The following DMXL2 variants were observed in gnomAD, a reference collection of about 807,000 sequenced individuals.
DMXL2 encodes Dmx like 2, also known as dmX-like protein 2.
A neutral mutation model predicts 331.1 loss-of-function variants in DMXL2; 103 were observed. The observed-to-expected ratio is 0.31, with a 90% CI of 0.27 to 0.37. DMXL2 has a LOEUF of 0.37. Ranked by LOEUF, DMXL2 falls within the 10% of genes least tolerant of loss-of-function variation. DMXL2 has a pLI of 1.00. For missense variants in DMXL2, 3,171 were observed against 3,642.9 expected (o/e 0.87, Z 3.33); for synonymous variants, 1,281 against 1,252.1 (o/e 1.02, Z -0.49).
chr15:51,467,310 G>C (rs953038877), intron 29 of DMXL2, among the ~76,000 whole-genome samples: 4 of 152,082 alleles, frequency 2.6e-5, no homozygotes, highest in African/African-American at 9.7e-5. Flanking sequence ...TAAAATTTCT[G>C]TGCATGATAA....
At chr15:51,579,363 T>C (rs2051255323) in intron 1 of DMXL2, among the ~76,000 whole-genome samples, 1 of 152,102 alleles carries the variant, frequency 6.6e-6, no homozygotes, top group African/African-American at 2.4e-5. Context: ...GCATAAATAA[T>C]CCAAGGGTGG....
intron 33 of DMXL2, 127 bp from the exon 34 acceptor site, chr15:51,459,787 T>A: frequency 8.3e-7 from 1 of 1,200,912 alleles, no homozygotes; most frequent in Non-Finnish European, 1.1e-6. Flanking sequence ...ATTTGCAAAA[T>A]CAAGAAAAAA....
intron 23 of DMXL2, among the ~76,000 whole-genome samples, chr15:51,483,619 T>G (rs1191131812): frequency 6.6e-6 from 1 of 151,704 alleles, no homozygotes; most frequent in Non-Finnish European, 1.5e-5. Context: ...AGCAGCTACA[T>G]GCCCACACTC....
chr15:51,533,576 G>A (rs1353569317), intron 13 of DMXL2, among the ~76,000 whole-genome samples: 1 of 152,206 alleles, frequency 6.6e-6, no homozygotes, highest in Non-Finnish European at 1.5e-5. Context: ...GGAGCTTAAT[G>A]TCTACCTAGT....
At chr15:51,581,039 A>G (rs2051376017) in intron 1 of DMXL2, among the ~76,000 whole-genome samples, 1 of 152,148 alleles carries the variant, frequency 6.6e-6, no homozygotes, top group East Asian at 1.9e-4. Flanking sequence ...TATTACCACA[A>G]TAAAGATATT....
rs770020793 is a variant in DMXL2 at position 51,479,928 on chromosome 15, G to C, written c.6756+20C>G. ...CTTCTCAGGGTGTATAATATCAAATGATCATAAACTTTACATTACCTTCAC... is the reference window on the plus strand; with the variant it reads ...CTTCTCAGGGTGTATAATATCAAATCATCATAAACTTTACATTACCTTCAC... On this transcript the variant is annotated intron_variant, in intron 25 of 43. Coordinates refer to ENST00000560891, the MANE Select transcript of DMXL2 (RefSeq NM_001378457.1). The C allele has an allele frequency of 5.8e-5, 84 of 1,453,232 alleles. No homozygotes were observed. Among genetic ancestry groups the C allele is most frequent in the South Asian group, 3.4e-4 (21 of 62,634 alleles). The allele number at this position is 1,453,232 out of a possible 1,614,324, so 90.0% of individuals were successfully genotyped here.
At chr15:51,516,278 T>C (rs1177442473) in intron 14 of DMXL2, among the ~76,000 whole-genome samples, 1 of 152,190 alleles carries the variant, frequency 6.6e-6, no homozygotes, top group African/African-American at 2.4e-5. Flanking sequence ...GGGTTTTACA[T>C]CTCCCTCTAG....
chr15:51,493,638 T>C (rs551555279), intron 19 of DMXL2, among the ~76,000 whole-genome samples: 112 of 152,284 alleles, frequency 7.4e-4, no homozygotes, highest in Non-Finnish European at 1.2e-3. Context: ...CACCAGTCAC[T>C]TCTCATCGCC....
intron 1 of DMXL2, among the ~76,000 whole-genome samples, chr15:51,621,134 C>T (rs981725034): frequency 2.0e-5 from 3 of 152,188 alleles, no homozygotes; most frequent in African/African-American, 7.2e-5. Flanking sequence ...AGACAAAGCT[C>T]AGCTCTATAT....
rs2049768840 is a variant in DMXL2 at position 51,558,813 on chromosome 15, CAATT to C, written c.567+4564_567+4567del. On this transcript the variant is annotated intron_variant, in intron 6 of 43. Transcript: ENST00000560891. ...TAATTCCACATACAATAGCTAAACA[CAATT>C]AAAACTGCCCATATTTTAAGTGCAA... Among the ~76,000 whole-genome samples, 3 of 152,274 alleles carry C rather than the reference CAATT, an allele frequency of 2.0e-5. No homozygotes were observed. The South Asian group carries it at 6.2e-4, about 32-fold the overall frequency.
At chr15:51,472,538 C>A (rs1227035739) in intron 28 of DMXL2, among the ~76,000 whole-genome samples, 1 of 152,134 alleles carries the variant, frequency 6.6e-6, no homozygotes, top group Non-Finnish European at 1.5e-5. Context: ...TTTCTCCCTC[C>A]CCCTAGCCCA....
intron 1 of DMXL2, among the ~76,000 whole-genome samples, chr15:51,586,083 C>T (rs558108199): frequency 1.3e-5 from 2 of 151,994 alleles, no homozygotes; most frequent in Non-Finnish European, 2.9e-5. Context: ...TTCTAACTGC[C>T]CAAAGTCCAC....
rs182088052 is a variant in DMXL2 at position 51,501,907 on chromosome 15, G to A, written c.2992+899C>T. 1.7e-4 allele frequency among the ~76,000 whole-genome samples: 23 copies of A among 133,344 alleles called. No individual in the cohort carries two copies. The East Asian group carries it at 1.8e-3, about 11-fold the overall frequency. 87.5% of individuals were successfully genotyped at this position (133,344 alleles called of 152,430 possible). ...TGCACTCCAGCCTGGGTGACAGAGCGAAACTCCATCTCAAAAAAAAAAAAA... is the reference window on the plus strand; with the variant it reads ...TGCACTCCAGCCTGGGTGACAGAGCAAAACTCCATCTCAAAAAAAAAAAAA... On this transcript the variant is annotated intron_variant, in intron 17 of 43. Transcript: ENST00000560891.
At chr15:51,538,136 A>C in intron 10 of DMXL2, 77 bp downstream of exon 10, 53 of 1,430,368 alleles carry the variant, frequency 3.7e-5, no homozygotes, top group African/African-American at 5.7e-5. Context: ...GCGGGAAGGA[A>C]GAATTCAAAA....
Position 51,520,828 on chromosome 15 carries a change from G to A in DMXL2, c.2437-3661C>T, listed in dbSNP as rs1218676119. Among the ~76,000 whole-genome samples, 4 of 152,152 alleles carry A rather than the reference G, an allele frequency of 2.6e-5. No homozygotes were observed. The East Asian group carries it at 7.7e-4, about 29-fold the overall frequency. Reference sequence around the variant, plus strand: ...GCTGAGATCGCGCCACTGCACTCCAGCCTGGATGACAGAGCAAGATTCAGA... The same window carrying A: ...GCTGAGATCGCGCCACTGCACTCCAACCTGGATGACAGAGCAAGATTCAGA... On this transcript the variant is annotated intron_variant, in intron 13 of 43. Coordinates refer to ENST00000560891, the MANE Select transcript of DMXL2 (RefSeq NM_001378457.1).
At chr15:51,596,345 G>C (rs1055614621) in intron 1 of DMXL2, among the ~76,000 whole-genome samples, 2 of 152,208 alleles carry the variant, frequency 1.3e-5, no homozygotes, top group African/African-American at 4.8e-5. Flanking sequence ...GGTCATCAGA[G>C]AAATGCAGAT....
At chr15:51,536,928 T>C in intron 11 of DMXL2, 66 bp from the exon 12 acceptor site, 1 of 1,319,326 alleles carries the variant, frequency 7.6e-7, no homozygotes, top group East Asian at 2.3e-5. Context: ...AGACTTCTAT[T>C]CTCAAAATAC....
At position 51,542,357 on chromosome 15, in the gene DMXL2, C is replaced by A; in HGVS notation, c.1081G>T (p.Ala361Ser). The change falls in exon 9 of 44, where the codon GCA becomes TCA. Residue 361 changes from alanine to serine, a missense_variant. Ala to Ser is a moderately conservative substitution (Grantham distance 99, BLOSUM62 1). Transcript: ENST00000560891. ...CCTGTGGCAGGGTTGATGCTTGCTGCAATATGAAAATGACAGAGTGCATTT... is the reference window on the plus strand; with the variant it reads ...CCTGTGGCAGGGTTGATGCTTGCTGAAATATGAAAATGACAGAGTGCATTT... ...HANALCHFHI[A>S]ASINPATDIP... The A allele has an allele frequency of 6.2e-7, 1 of 1,613,332 alleles. No individual in the cohort carries two copies. The highest frequency in any genetic ancestry group is 8.5e-7 in the Non-Finnish European group (1 of 1,179,542).
intron 1 of DMXL2, among the ~76,000 whole-genome samples, chr15:51,612,207 A>G (rs2054018589): frequency 1.3e-5 from 2 of 152,230 alleles, no homozygotes; most frequent in Non-Finnish European, 2.9e-5. Flanking sequence ...TTTAATATAC[A>G]AGATAAATAT....
Sources: gnomAD v4.1 joint callset for allele counts (sites outside exome capture counted in the v4.1 genomes callset) on GRCh38, gnomAD v4.1.1 for gene constraint, MANE v1.5 for transcripts, NCBI Gene and HGNC (gene_info 2026-07-23, HGNC 2026-07-21) for gene names.